DNAJC21: variants seen among roughly 807,000 people sequenced by gnomAD.
The protein encoded by DNAJC21 is DnaJ heat shock protein family (Hsp40) member C21.
Under a neutral mutation model 72.4 loss-of-function variants are expected in DNAJC21, and 63 were observed. The observed-to-expected ratio is 0.87, with a 90% CI of 0.71 to 1.07. DNAJC21 has a LOEUF of 1.07. Ranked by LOEUF, DNAJC21 falls within the 50% of genes least tolerant of loss-of-function variation. DNAJC21 has a pLI of 0.00. For synonymous variants in DNAJC21, 203 were observed against 216.7 expected (o/e 0.94, Z 0.56); for missense variants, 634 against 644.8 (o/e 0.98, Z 0.18).
intron 7 of DNAJC21, 110 bp downstream of exon 7, chr5:34,941,293 A>G (rs1291637664): frequency 2.1e-6 from 2 of 942,010 alleles, no homozygotes; most frequent in Admixed American, 4.3e-5. Flanking sequence ...GACCTGTTGA[A>G]CTCAGATGAT....
At position 34,957,510 on chromosome 5, in the gene DNAJC21, CA is replaced by C. The variant is rs5867260; in HGVS notation, c.*2798del. The C allele has an allele frequency of 1, 152,318 of 152,318 alleles. 76,159 individuals are homozygous for C. The highest frequency in any genetic ancestry group is 1 in the Non-Finnish European group (68,044 of 68,044). The allele number at this position is 152,318 out of a possible 1,614,324, so 9.4% of individuals were successfully genotyped here. On this transcript the variant is annotated 3_prime_UTR_variant, in exon 12 of 12. Transcript: ENST00000648817. ...GAGCTGTGAATGAGTTAGTGGAGGTCAAGTCACATCAGAGTTCATGACCTAG... is the reference window on the plus strand; with the variant it reads ...GAGCTGTGAATGAGTTAGTGGAGGTCAGTCACATCAGAGTTCATGACCTAG...
chr5:34,941,284 A>T, intron 7 of DNAJC21, 101 bp downstream of exon 7: 1 of 1,033,274 alleles, frequency 9.7e-7, no homozygotes, highest in East Asian at 2.6e-5. Flanking sequence ...CACAGCCTCG[A>T]CCTGTTGAAC....
intron 10 of DNAJC21, 59 bp from the exon 11 acceptor site, chr5:34,953,864 AAAT>A (rs1765456209): frequency 2.2e-6 from 3 of 1,369,530 alleles, no homozygotes; most frequent in Non-Finnish European, 2.0e-6. Flanking sequence ...GAGAGCACTC[AAAT>A]AATGATGGTT....
At position 34,944,897 on chromosome 5, in the gene DNAJC21, T is replaced by C. The variant is rs1304374641; in HGVS notation, c.1014T>C (p.His338=). The C allele has an allele frequency of 1.5e-5, 24 of 1,613,930 alleles. No individual in the cohort carries two copies. The highest frequency in any genetic ancestry group is 2.0e-5 in the Non-Finnish European group (24 of 1,180,020). ...AGAATCACGAGAAGTCAAAGAAGCA[T>C]CGGGAAATGGTGGCCTTGCTAAAAC... ...AMKNHEKSKK[H]REMVALLKQQ... Residue 338 remains histidine, a synonymous_variant, in exon 8 of 12, where the codon CAT becomes CAC. Transcript: ENST00000648817.
intron 10 of DNAJC21, chr5:34,951,416 C>T (rs1765359938): frequency 1.0e-6 from 1 of 985,394 alleles, no homozygotes; most frequent in South Asian, 4.7e-5. Context: ...TCATCTGACT[C>T]CATGGAGCCT....
At chr5:34,947,445 G>A (rs903741551) in intron 9 of DNAJC21, among the ~76,000 whole-genome samples, 2 of 152,004 alleles carry the variant, frequency 1.3e-5, no homozygotes, top group Non-Finnish European at 2.9e-5. Flanking sequence ...GAAGTATCAC[G>A]TAGTTAAATT....
rs1255445940 is a variant in DNAJC21 at position 34,957,882 on chromosome 5, A to G, written c.*3168A>G. The G allele has an allele frequency of 6.6e-6, 1 of 152,206 alleles. No homozygotes were observed. The highest frequency in any genetic ancestry group is 2.1e-4 in the South Asian group (1 of 4,824). 9.4% of individuals were successfully genotyped at this position (152,206 alleles called of 1,614,324 possible). ...ATGTGGCAGAAGTTCTGTTCCCTATAATCTGCAATGCTGAAGTATCTCTAT... is the reference window on the plus strand; with the variant it reads ...ATGTGGCAGAAGTTCTGTTCCCTATGATCTGCAATGCTGAAGTATCTCTAT... On this transcript the variant is annotated 3_prime_UTR_variant, in exon 12 of 12. Coordinates refer to ENST00000648817, the MANE Select transcript of DNAJC21 (RefSeq NM_001012339.3).
chr5:34,943,675 G>A (rs948422347), intron 7 of DNAJC21, among the ~76,000 whole-genome samples: 5 of 152,268 alleles, frequency 3.3e-5, no homozygotes, highest in South Asian at 2.1e-4. Flanking sequence ...TTTAGCTTGC[G>A]TCAGTCTTTT....
At chr5:34,945,112 C>T in intron 8 of DNAJC21, 87 bp downstream of exon 8, 1 of 1,497,534 alleles carries the variant, frequency 6.7e-7, no homozygotes, top group Middle Eastern at 2.2e-4. Flanking sequence ...GAGAATCACT[C>T]TGTTGCCCAG....
rs1353377210 is a variant in DNAJC21, at chr5:34,945,060, T to G, written c.1142+35T>G. The G allele has an allele frequency of 2.5e-6, 4 of 1,601,794 alleles. No individual in the cohort carries two copies. The Admixed American group carries it at 7.1e-5, about 28-fold the overall frequency. On this transcript the variant is annotated intron_variant, in intron 8 of 11. Transcript: ENST00000648817. ...AATATTAAATGTCACTAGAAATACT[T>G]ATCACATTCAGAGATTGCATTAAAA...
intron 10 of DNAJC21, among the ~76,000 whole-genome samples, chr5:34,953,348 A>G (rs951733271): frequency 2.6e-5 from 4 of 151,182 alleles, no homozygotes; most frequent in African/African-American, 4.9e-5. Flanking sequence ...TGCAGTCTCC[A>G]CCTCCTGGGT....
At chr5:34,930,004 C>G (rs897414654) in intron 1 of DNAJC21, 88 bp downstream of exon 1, 15 of 1,100,696 alleles carry the variant, frequency 1.4e-5, no homozygotes, top group Non-Finnish European at 1.9e-5. Flanking sequence ...CTCCGCGGAG[C>G]CAGCAGAGAG....
In DNAJC21 at chr5:34,929,873, G is replaced by T; in HGVS notation, c.54G>T (p.Glu18Asp). Residue 18 changes from glutamate (E) to aspartate (D), a missense_variant, in exon 1 of 12, where the codon GAG (glutamate) becomes GAT (aspartate). Physicochemically the swap from Glu to Asp is conservative, Grantham distance 45. Transcript: ENST00000648817. The part of the protein sequence containing the change: ...LGVRRDASEE[E>D]LKKAYRKLAL... ...TGCGGCGCGACGCCAGCGAGGAGGAGCTCAAGAAGGCCTATCGGAAGCTGG... is the reference window on the plus strand; with the variant it reads ...TGCGGCGCGACGCCAGCGAGGAGGATCTCAAGAAGGCCTATCGGAAGCTGG... 1 of 1,584,198 alleles carries T rather than the reference G, an allele frequency of 6.3e-7. No homozygotes were observed. Among genetic ancestry groups the T allele is most frequent in the Non-Finnish European group, 8.6e-7 (1 of 1,166,092 alleles).
chr5:34,930,745 A>G (rs1347277970), intron 1 of DNAJC21, among the ~76,000 whole-genome samples: 1 of 152,234 alleles, frequency 6.6e-6, no homozygotes, highest in Non-Finnish European at 1.5e-5. Flanking sequence ...CAGAGTATCC[A>G]ATATATGCAA....
intron 10 of DNAJC21, chr5:34,950,880 T>C: frequency 1.0e-6 from 1 of 985,606 alleles, no homozygotes. Context: ...TGTTCTCTCC[T>C]TCCTCCTCTT....
chr5:34,949,947 T>C (rs1211238733), intron 9 of DNAJC21, among the ~76,000 whole-genome samples: 1 of 152,206 alleles, frequency 6.6e-6, no homozygotes, highest in Non-Finnish European at 1.5e-5. Flanking sequence ...ACTTAAGCAC[T>C]TCAGAATTTT....
intron 9 of DNAJC21, chr5:34,949,799 C>T: frequency 6.7e-7 from 1 of 1,497,814 alleles, no homozygotes; most frequent in Non-Finnish European, 8.9e-7. Flanking sequence ...GGAAAAGTAT[C>T]ATCCTTAATT....
In DNAJC21 at chr5:34,929,734, A is replaced by G. The variant is rs1011270040; in HGVS notation, c.-86A>G. On this transcript the variant is annotated 5_prime_UTR_variant, in exon 1 of 12. Transcript: ENST00000648817. ...CGGACTCCCGCCGGAGAGGACTGCC[A>G]GCGCCGCCGCCGCCGCCGCTTCGGC... The G allele has an allele frequency of 2.0e-5, 12 of 598,850 alleles. No homozygotes were observed. Among genetic ancestry groups the G allele is most frequent in the Admixed American group, 1.3e-4 (2 of 15,276 alleles). The allele number at this position is 598,850 out of a possible 1,614,324, so 37.1% of individuals were successfully genotyped here.
In DNAJC21 at chr5:34,938,907, G is replaced by C. The variant is rs770282904; in HGVS notation, c.793G>C (p.Glu265Gln). ...GAGCTGGATGACTATGGCCAATTTG[G>C]AGAAAGAGCTCCAGGAGATGGAGGC... ...EQSWMTMANLEKELQEMEARY... is the reference protein window; with the variant it reads ...EQSWMTMANLQKELQEMEARY... Residue 265 changes from glutamate to glutamine, a missense_variant, in exon 6 of 12, where the codon GAG becomes CAG. Glu to Gln is a conservative substitution (Grantham distance 29). Transcript: ENST00000648817. The C allele has an allele frequency of 3.1e-6, 5 of 1,614,174 alleles. No individual in the cohort carries two copies. The East Asian group carries it at 8.9e-5, about 29-fold the overall frequency.
Sources: allele counts gnomAD v4.1 joint callset (sites outside exome capture counted in the v4.1 genomes callset), GRCh38; gene constraint gnomAD v4.1.1; transcripts MANE v1.5; gene names NCBI Gene and HGNC (gene_info 2026-07-23, HGNC 2026-07-21).